Variants in TRPA1 observed in about 807,000 individuals in gnomAD.
TRPA1 encodes the protein ankyrin-like with transmembrane domains 1.
Under a neutral mutation model 131.3 loss-of-function variants are expected in TRPA1, and 129 were observed. That is an observed-to-expected ratio of 0.98 (90% confidence interval 0.85 to 1.14). The LOEUF is 1.14. Among genes scored for constraint, TRPA1 ranks in the 50% most tolerant of loss-of-function variants. The probability of loss-of-function intolerance (pLI) is 0.00; values close to 1 mark genes in which losing one functional copy is unlikely to be tolerated. For synonymous variants in TRPA1, 441 were observed against 451.7 expected, an observed-to-expected ratio of 0.98 and a Z score of 0.30; for missense variants, 1,304 against 1,354.2, an observed-to-expected ratio of 0.96 and a Z score of 0.58.
At chr8:72,078,064 G>T (rs965294052), upstream of TRPA1, among the ~76,000 whole-genome samples, 6 of 151,018 alleles carry the variant, frequency 4.0e-5, no homozygotes, top group African/African-American at 1.2e-4. Flanking sequence ...TGCACATATT[G>T]CTCAATAACA....
At chr8:72,064,561 C>T (rs1453655384) in intron 4 of TRPA1, among the ~76,000 whole-genome samples, 1 of 151,440 alleles carries the variant, frequency 6.6e-6, no homozygotes, top group Non-Finnish European at 1.5e-5. Flanking sequence ...CTTTGTGGTC[C>T]AATCATGACA....
At chr8:72,082,305 C>T in the TRPA1 span, among the ~76,000 whole-genome samples, 6 of 151,988 alleles carry the variant, frequency 3.9e-5, no homozygotes, top group Non-Finnish European at 7.4e-5. Context: ...ATTTATACAT[C>T]TATGCATGGT....
upstream of TRPA1, among the ~76,000 whole-genome samples, chr8:72,078,942 A>G (rs1806239172): frequency 6.6e-6 from 1 of 151,968 alleles, no homozygotes; most frequent in African/African-American, 2.4e-5. Context: ...TTTTTTTATT[A>G]TGATCATTCT....
rs751935322 is a variant in TRPA1 at position 72,056,918 on chromosome 8, T to C, written c.1193A>G (p.Gln398Arg). Reference sequence around the variant, plus strand: ...TGGCAATCCACAGATATACATTACCTGCATAAATTCAGGTCGCAGATTTTT... The same window carrying C: ...TGGCAATCCACAGATATACATTACCCGCATAAATTCAGGTCGCAGATTTTT... Reference protein sequence around the residue: ...GLKNLRPEFMQMQQIKELVMD... With the variant: ...GLKNLRPEFMRMQQIKELVMD... Residue 398 changes from glutamine to arginine, a missense_variant and splice_region_variant, in exon 10 of 27, where the codon CAG becomes CGG. Coordinates refer to ENST00000262209, the MANE Select transcript of TRPA1 (RefSeq NM_007332.3). 12 of 1,603,368 alleles carry C rather than the reference T, an allele frequency of 7.5e-6. No individual in the cohort carries two copies. Among genetic ancestry groups the C allele is most frequent in the Non-Finnish European group, 1.0e-5 (12 of 1,173,732 alleles).
chr8:72,065,345 A>T (rs1423000063), intron 4 of TRPA1, 106 bp downstream of exon 4: 3 of 1,071,710 alleles, frequency 2.8e-6, no homozygotes, highest in Non-Finnish European at 4.1e-6. Flanking sequence ...TTTGTATTTT[A>T]TATTTTTCTA....
In TRPA1 at chr8:72,063,481, C is replaced by T. The variant is rs1805856302; in HGVS notation, c.643G>A (p.Glu215Lys). 1.9e-6 allele frequency: 3 copies of T among 1,612,396 alleles called. No homozygotes were observed. Among genetic ancestry groups the T allele is most frequent in the Non-Finnish European group, 2.5e-6 (3 of 1,178,618 alleles). ...AACTCACCAAACCTTAGTATTATTT[C>T]CATGCATTCTTTGGAACCTGAAAAT... The part of the protein sequence containing the change: ...AAFSGSKECM[E>K]IILRFGEEHG... The change falls in exon 5 of 27, where the codon GAA (glutamate) becomes AAA (lysine). Residue 215 changes from glutamate to lysine, a missense_variant. Transcript: ENST00000262209.
At chr8:72,040,259 G>A (rs1466700784) in intron 17 of TRPA1, among the ~76,000 whole-genome samples, 1 of 152,062 alleles carries the variant, frequency 6.6e-6, no homozygotes, top group East Asian at 1.9e-4. Context: ...TTAAAAATTA[G>A]TTTTTAATTA....
At chr8:72,055,243 G>A (rs1805632914) in intron 12 of TRPA1, 193 bp downstream of exon 12, 1 of 589,642 alleles carries the variant, frequency 1.7e-6, no homozygotes, top group African/African-American at 1.9e-5. Flanking sequence ...CAAAGTCTTT[G>A]TCAGTTGGAA....
chr8:72,025,741 T>C (rs1187325265), intron 25 of TRPA1, among the ~76,000 whole-genome samples: 1 of 152,220 alleles, frequency 6.6e-6, no homozygotes, highest in African/African-American at 2.4e-5. Context: ...ACAGATGCTA[T>C]GGATGAACCA....
rs1805707685 is a variant in TRPA1, at chr8:72,057,781, G to A, written c.1029C>T (p.Arg343=). ...AAGCAGTTGCTAATATAAGTGGAGA[G>A]CGTCCTTCAGAATCGATCTTATTAA... is the stretch of plus-strand genomic sequence containing the variant. The part of the protein sequence containing the change: ...ADINKIDSEG[R]SPLILATASA... The change falls in exon 9 of 27, where the codon CGC becomes CGT. Residue 343 remains arginine (R), a synonymous_variant. Coordinates refer to ENST00000262209, the MANE Select transcript of TRPA1 (RefSeq NM_007332.3). 1 of 1,613,866 alleles carries A rather than the reference G, an allele frequency of 6.2e-7. No individual in the cohort carries two copies. The highest frequency in any genetic ancestry group is 1.1e-5 in the South Asian group (1 of 91,082).
In TRPA1 at chr8:72,071,847, T is replaced by G. The variant is rs139300498; in HGVS notation, c.132A>C (p.Ala44=). 8.7e-6 allele frequency: 14 copies of G among 1,612,046 alleles called. No individual in the cohort carries two copies. Among genetic ancestry groups the G allele is most frequent in the Non-Finnish European group, 1.2e-5 (14 of 1,179,776 alleles). ...ESLKVVFEGS[A]YGLQNFNKQK... is the part of the protein sequence containing the mutation. ...GCTTATTAAAGTTTTGTAATCCATATGCACTTCCTTCAAAAACCACCTAGA... is the reference window on the plus strand; with the variant it reads ...GCTTATTAAAGTTTTGTAATCCATAGGCACTTCCTTCAAAAACCACCTAGA... Residue 44 remains alanine, a synonymous_variant, in exon 2 of 27, where the codon GCA becomes GCC. Transcript: ENST00000262209.
intron 23 of TRPA1, among the ~76,000 whole-genome samples, chr8:72,031,342 G>T (rs1420186611): frequency 1.3e-5 from 2 of 152,056 alleles, no homozygotes; most frequent in African/African-American, 2.4e-5. Flanking sequence ...AATTGGGGAG[G>T]CTGAGGTGGG....
At chr8:72,023,960 C>T (rs1412663055) in intron 25 of TRPA1, 49 bp from the exon 26 acceptor site, 2 of 1,311,494 alleles carry the variant, frequency 1.5e-6, no homozygotes, top group South Asian at 2.4e-5. Context: ...AATTCAGGAA[C>T]TTTTTCTTAA....
chr8:72,051,327 T>C (rs1052673258), intron 14 of TRPA1, among the ~76,000 whole-genome samples: 7 of 152,170 alleles, frequency 4.6e-5, no homozygotes, highest in African/African-American at 1.7e-4. Flanking sequence ...AATTAACACA[T>C]GTAAAGTGCA....
At chr8:72,077,578 T>A (rs1243844755), upstream of TRPA1, among the ~76,000 whole-genome samples, 1 of 152,216 alleles carries the variant, frequency 6.6e-6, no homozygotes, top group African/African-American at 2.4e-5. Flanking sequence ...AGTTTAATTT[T>A]TAAAAAATAT....
chr8:72,032,465 T>C (rs538509405), intron 23 of TRPA1, among the ~76,000 whole-genome samples: 1 of 152,126 alleles, frequency 6.6e-6, no homozygotes, highest in African/African-American at 2.4e-5. Context: ...CTGCCAATGA[T>C]CTTAGTAGGA....
chr8:72,087,238 C>G, the TRPA1 span, among the ~76,000 whole-genome samples: 1 of 152,136 alleles, frequency 6.6e-6, no homozygotes, highest in South Asian at 2.1e-4. Flanking sequence ...AAACAATAAT[C>G]TGATTATGCA....
intron 19 of TRPA1, 38 bp from the exon 20 acceptor site, chr8:72,038,110 A>T (rs1812117869): frequency 1.9e-6 from 2 of 1,046,198 alleles, no homozygotes; most frequent in Admixed American, 2.0e-5. Flanking sequence ...GTTATGAGAG[A>T]TATAAAACAC....
intron 12 of TRPA1, 70 bp downstream of exon 12, chr8:72,055,366 A>G: frequency 7.5e-7 from 1 of 1,338,858 alleles, no homozygotes; most frequent in Non-Finnish European, 1.1e-6. Flanking sequence ...AATTAAAAAT[A>G]TAATGAAAAG....
Sources: gnomAD v4.1 joint callset for allele counts (sites outside exome capture counted in the v4.1 genomes callset) on GRCh38, gnomAD v4.1.1 for gene constraint, MANE v1.5 for transcripts, NCBI Gene and HGNC (gene_info 2026-07-23, HGNC 2026-07-21) for gene names.